The following GPHN variants were observed in gnomAD, a reference collection of about 807,000 sequenced individuals.
GPHN encodes gephyrin.
Under a neutral mutation model 95.5 loss-of-function variants are expected in GPHN, and 17 were observed. The observed-to-expected ratio is 0.18, with a 90% CI of 0.12 to 0.27. The LOEUF (loss-of-function observed/expected upper bound fraction) is 0.27, where lower values mean the gene tolerates loss of function less well. GPHN is among the 10% of genes least tolerant of loss of function. GPHN has a pLI of 1.00. For synonymous variants in GPHN, 320 were observed against 322.5 expected, an observed-to-expected ratio of 0.99 and a Z score of 0.08; for missense variants, 660 against 978.1, an observed-to-expected ratio of 0.67 and a Z score of 4.34.
In GPHN at chr14:66,673,216, C is replaced by G. The variant is rs891354613; in HGVS notation, c.65-7891C>G. ...CAAGCGATTCTCCTGCCTCAGCCTC[C>G]CTAGTAGCTGGGACTACCAGTGCGT... On this transcript the variant is annotated intron_variant, in intron 1 of 22. Coordinates refer to ENST00000478722, the MANE Select transcript of GPHN (RefSeq NM_020806.5). 2.3e-4 allele frequency among the ~76,000 whole-genome samples: 35 copies of G among 152,278 alleles called. 1 individual carries two copies. The highest frequency in any genetic ancestry group is 1.9e-3 in the South Asian group (9 of 4,826).
At chr14:67,084,873 G>T (rs2153665240) in intron 11 of GPHN, among the ~76,000 whole-genome samples, 1 of 152,298 alleles carries the variant, frequency 6.6e-6, no homozygotes, top group Non-Finnish European at 1.5e-5. Flanking sequence ...AAAAAGCCCA[G>T]AATGTTTAAG....
the GPHN span, among the ~76,000 whole-genome samples, chr14:67,632,278 T>C: frequency 5.3e-5 from 8 of 152,260 alleles, no homozygotes; most frequent in Non-Finnish European, 1.2e-4. Context: ...CTTTTTGTTA[T>C]GGAAGTATTC....
chr14:67,501,077 A>ATAT, the GPHN span, among the ~76,000 whole-genome samples: 87 of 148,632 alleles, frequency 5.9e-4, no homozygotes, highest in African/African-American at 2.0e-3. Flanking sequence ...AATAATAATA[A>ATAT]TAATAATAAA....
the GPHN span, among the ~76,000 whole-genome samples, chr14:67,688,521 G>T: frequency 1.3e-5 from 2 of 152,042 alleles, no homozygotes; most frequent in Admixed American, 6.5e-5. Flanking sequence ...TATGAAGGGA[G>T]AAGAGCAGGG....
chr14:67,478,311 G>A, the GPHN span, among the ~76,000 whole-genome samples: 26 of 152,304 alleles, frequency 1.7e-4, no homozygotes, highest in African/African-American at 5.8e-4. Context: ...CTGGCCAAGG[G>A]AAAGCCACCA....
At chr14:67,260,896 GA>G in the GPHN span, among the ~76,000 whole-genome samples, 1 of 152,048 alleles carries the variant, frequency 6.6e-6, no homozygotes, top group Non-Finnish European at 1.5e-5. Flanking sequence ...AAAGAAAATG[GA>G]AAAAGTATTC....
At chr14:67,344,364 T>A in the GPHN span, among the ~76,000 whole-genome samples, 30 of 152,182 alleles carry the variant, frequency 2.0e-4, no homozygotes, top group Non-Finnish European at 2.9e-5. Flanking sequence ...ATCAAATCAT[T>A]TCTGCTTCAA....
At chr14:67,375,234 G>C in the GPHN span, among the ~76,000 whole-genome samples, 1 of 2,768 alleles carries the variant, frequency 3.6e-4, no homozygotes, top group East Asian at 2.2e-3. Context: ...CCTCAGTTCT[G>C]TGTGTGTGTG....
chr14:67,508,415 C>A, the GPHN span, among the ~76,000 whole-genome samples: 4 of 151,964 alleles, frequency 2.6e-5, no homozygotes, highest in Non-Finnish European at 4.4e-5. Context: ...AAACTAAAAG[C>A]CAAAAAACTT....
chr14:66,813,015 T>C (rs754791577), intron 3 of GPHN, among the ~76,000 whole-genome samples: 1 of 152,238 alleles, frequency 6.6e-6, no homozygotes, highest in Non-Finnish European at 1.5e-5. Context: ...GATAGCAGAA[T>C]AGCTAGTTTA....
the GPHN span, among the ~76,000 whole-genome samples, chr14:67,485,103 T>C: frequency 0.018 from 2,800 of 152,330 alleles, 97 homozygotes; most frequent in African/African-American, 0.064. Context: ...TCTTCTCTGG[T>C]ACTATTTCCT....
intron 4 of GPHN, among the ~76,000 whole-genome samples, chr14:66,865,984 C>T (rs371192437): frequency 1.4e-4 from 22 of 152,050 alleles, no homozygotes; most frequent in African/African-American, 1.9e-4. Flanking sequence ...AGTGTTTTTA[C>T]GTATGTGTGT....
the GPHN span, among the ~76,000 whole-genome samples, chr14:67,375,373 T>TGCCTCC: frequency 2.0e-5 from 3 of 152,036 alleles, no homozygotes; most frequent in Non-Finnish European, 4.4e-5. Context: ...CTCTCGCCTC[T>TGCCTCC]GCCTCCCGGA....
the GPHN span, among the ~76,000 whole-genome samples, chr14:67,519,871 C>T: frequency 2.7e-4 from 41 of 152,194 alleles, no homozygotes; most frequent in East Asian, 7.2e-3. Context: ...TACAGGCGTA[C>T]GCCACCATGC....
At chr14:66,536,530 A>G (rs553366376) in intron 1 of GPHN, among the ~76,000 whole-genome samples, 3 of 100,802 alleles carry the variant, frequency 3.0e-5, no homozygotes, top group Admixed American at 1.1e-4. Flanking sequence ...TTATTATAAT[A>G]TTTTTGTCAG....
At chr14:67,547,294 G>C in the GPHN span, among the ~76,000 whole-genome samples, 1 of 152,154 alleles carries the variant, frequency 6.6e-6, no homozygotes, top group Admixed American at 6.5e-5. Flanking sequence ...TGGACCTCTT[G>C]GCAGGAAATC....
At position 66,549,682 on chromosome 14, in the gene GPHN, A is replaced by G. The variant is rs186746021; in HGVS notation, c.64+41091A>G. 1.3e-3 allele frequency among the ~76,000 whole-genome samples: 204 copies of G among 152,338 alleles called. 2 individuals carry two copies. Among genetic ancestry groups the G allele is most frequent in the Non-Finnish European group, 1.2e-3 (83 of 68,028 alleles). ...TAGATGAAGCAGCCTTATATATTGA[A>G]AGAAGATGCCATCTAGTGTCTTCAT... On this transcript the variant is annotated intron_variant, in intron 1 of 22. Transcript: ENST00000478722.
At chr14:67,732,920 G>A in the GPHN span, among the ~76,000 whole-genome samples, 2 of 152,048 alleles carry the variant, frequency 1.3e-5, no homozygotes, top group South Asian at 4.2e-4. Flanking sequence ...TGCATGTTCC[G>A]AATGTTTTAC....
chr14:66,738,842 T>A (rs1325669321), intron 2 of GPHN, among the ~76,000 whole-genome samples: 1 of 152,172 alleles, frequency 6.6e-6, no homozygotes, highest in Non-Finnish European at 1.5e-5. Context: ...ATTGAGAATG[T>A]TTGTTCCCCA....
Sources: gnomAD v4.1 joint callset for allele counts (sites outside exome capture counted in the v4.1 genomes callset) on GRCh38, gnomAD v4.1.1 for gene constraint, MANE v1.5 for transcripts, NCBI Gene and HGNC (gene_info 2026-07-23, HGNC 2026-07-21) for gene names.